Variants in C1orf87 observed in about 807,000 individuals in gnomAD.
C1orf87 encodes uncharacterized protein C1orf87.
A neutral mutation model predicts 60.5 loss-of-function variants in C1orf87; 58 were observed. The observed-to-expected ratio is 0.96, with a 90% confidence interval of 0.78 to 1.19. C1orf87 has a LOEUF of 1.19. C1orf87 is among the 50% of genes most tolerant of loss of function. The pLI is 0.00. For synonymous variants in C1orf87, 236 were observed against 227.4 expected, an observed-to-expected ratio of 1.04 and a Z score of -0.34; for missense variants, 673 against 638.6, an observed-to-expected ratio of 1.05 and a Z score of -0.58.
At chr1:60,043,571 G>A (rs1001271389) in intron 3 of C1orf87, among the ~76,000 whole-genome samples, 1 of 151,998 alleles carries the variant, frequency 6.6e-6, no homozygotes, top group Non-Finnish European at 1.5e-5. Flanking sequence ...ATTTTTAGTA[G>A]AGATGGGATT....
intron 8 of C1orf87, among the ~76,000 whole-genome samples, chr1:60,011,615 A>ATC (rs542181252): frequency 1.4e-4 from 21 of 152,250 alleles, no homozygotes; most frequent in African/African-American, 4.6e-4. Flanking sequence ...TCAACTAAGT[A>ATC]TCTTTATCTT....
chr1:60,050,864 T>G (rs1645409329), intron 3 of C1orf87, among the ~76,000 whole-genome samples: 1 of 152,120 alleles, frequency 6.6e-6, no homozygotes, highest in Admixed American at 6.6e-5. Context: ...AGGAGACAGA[T>G]AAGGAAACAG....
At chr1:60,037,896 C>A in intron 6 of C1orf87, 96 bp downstream of exon 6, 1 of 687,374 alleles carries the variant, frequency 1.5e-6, no homozygotes. Flanking sequence ...CATTTATATT[C>A]TTTATAAGCC....
At chr1:60,062,102 C>A (rs751408630) in intron 2 of C1orf87, among the ~76,000 whole-genome samples, 3 of 152,188 alleles carry the variant, frequency 2.0e-5, no homozygotes, top group Admixed American at 6.5e-5. Context: ...GCCCGAGAGG[C>A]AGAATGCTTC....
At chr1:59,997,585 C>T (rs931848218) in intron 11 of C1orf87, 24 bp downstream of exon 11, 12 of 1,610,958 alleles carry the variant, frequency 7.4e-6, no homozygotes, top group Non-Finnish European at 1.0e-5. Flanking sequence ...GAAACCTATG[C>T]CAGCTTTACA....
intron 9 of C1orf87, 112 bp downstream of exon 9, chr1:60,010,280 G>C (rs1645073850): frequency 2.1e-6 from 2 of 959,948 alleles, no homozygotes; most frequent in Admixed American, 4.3e-5. Context: ...TTACATTTCT[G>C]AGAGAAATGA....
chr1:60,005,804 C>CTT (rs36114324), intron 9 of C1orf87, among the ~76,000 whole-genome samples: 19,557 of 131,994 alleles, frequency 0.15, 1,591 homozygotes, highest in Non-Finnish European at 0.18. Context: ...TCTCAGCATT[C>CTT]TTTTTTTTTT....
chr1:59,994,361 A>G (rs1340844030), intron 11 of C1orf87, among the ~76,000 whole-genome samples: 2 of 151,716 alleles, frequency 1.3e-5, no homozygotes, highest in Non-Finnish European at 1.5e-5. Flanking sequence ...GGCTTGAATT[A>G]TGGCTCACCA....
At chr1:60,020,271 C>G (rs571543125) in intron 8 of C1orf87, among the ~76,000 whole-genome samples, 1 of 152,264 alleles carries the variant, frequency 6.6e-6, no homozygotes, top group Admixed American at 6.5e-5. Flanking sequence ...GACTCTGTGC[C>G]TGTACAGAGG....
chr1:60,055,425 T>C lies in C1orf87; in HGVS notation c.121A>G (p.Ser41Gly). ...ATTGTTTGGGTTTCTGTTTTCAAGC[T>C]GTCATTCTCCTTGCTGTGAAGAAAG... is the stretch of plus-strand genomic sequence containing the variant. Reference protein sequence around the residue: ...VEKPKIKENDSLKTETQTMHQ... With the variant: ...VEKPKIKENDGLKTETQTMHQ... The change falls in exon 3 of 12, where the codon AGC becomes GGC. Residue 41 changes from serine to glycine, a missense_variant. Physicochemically the swap from Ser to Gly is moderately conservative, Grantham distance 56 (BLOSUM62 0). Transcript: ENST00000371201. 1 of 1,614,082 alleles carries C rather than the reference T, an allele frequency of 6.2e-7. No individual in the cohort carries two copies. Among genetic ancestry groups the C allele is most frequent in the Non-Finnish European group, 8.5e-7 (1 of 1,179,942 alleles).
At chr1:60,042,875 A>C (rs1466288313) in intron 3 of C1orf87, among the ~76,000 whole-genome samples, 1 of 152,186 alleles carries the variant, frequency 6.6e-6, no homozygotes, top group African/African-American at 2.4e-5. Context: ...TAACCATGAC[A>C]ATAGAAAAGG....
At chr1:60,049,670 T>A (rs113605529) in intron 3 of C1orf87, among the ~76,000 whole-genome samples, 1,778 of 152,186 alleles carry the variant, frequency 0.012, 48 homozygotes, top group African/African-American at 0.04. Flanking sequence ...TTTCCCCTTA[T>A]CCCAGATGAT....
intron 2 of C1orf87, among the ~76,000 whole-genome samples, chr1:60,060,094 T>TTC (rs1645484953): frequency 2.0e-5 from 3 of 150,966 alleles, no homozygotes; most frequent in African/African-American, 4.8e-5. Context: ...CTTTTTCTTT[T>TTC]TTTTTTTTTA....
intron 3 of C1orf87, among the ~76,000 whole-genome samples, chr1:60,043,683 A>G (rs910958075): frequency 5.3e-5 from 8 of 152,080 alleles, no homozygotes; most frequent in Non-Finnish European, 1.2e-4. Context: ...TTCACTCTTT[A>G]AAATATTTGG....
chr1:60,021,698 A>G (rs531200486), intron 8 of C1orf87, among the ~76,000 whole-genome samples: 1 of 152,326 alleles, frequency 6.6e-6, no homozygotes, highest in Admixed American at 6.5e-5. Context: ...TCCCCATGGC[A>G]CTATCATCTA....
At chr1:60,008,200 A>G (rs543394614) in intron 9 of C1orf87, among the ~76,000 whole-genome samples, 1 of 152,150 alleles carries the variant, frequency 6.6e-6, no homozygotes, top group South Asian at 2.1e-4. Flanking sequence ...AAAATTAGTG[A>G]TGTGTTGCCT....
intron 9 of C1orf87, among the ~76,000 whole-genome samples, chr1:60,008,014 GA>G (rs1645058220): frequency 6.6e-6 from 1 of 151,800 alleles, no homozygotes; most frequent in Admixed American, 6.6e-5. Flanking sequence ...AGAATAGACA[GA>G]AAAAAATGGC....
intron 9 of C1orf87, among the ~76,000 whole-genome samples, chr1:60,004,225 C>G (rs761765220): frequency 1.3e-5 from 2 of 151,928 alleles, no homozygotes; most frequent in Non-Finnish European, 2.9e-5. Flanking sequence ...CAGCTTCAAG[C>G]TTTTGGATCT....
At chr1:60,027,862 A>AT (rs1451459375) in intron 7 of C1orf87, among the ~76,000 whole-genome samples, 1 of 152,178 alleles carries the variant, frequency 6.6e-6, no homozygotes, top group Non-Finnish European at 1.5e-5. Context: ...AGCAGCATAT[A>AT]TTTTGACATT....
Sources: allele counts gnomAD v4.1 joint callset (sites outside exome capture counted in the v4.1 genomes callset), GRCh38; gene constraint gnomAD v4.1.1; transcripts MANE v1.5; gene names NCBI Gene and HGNC (gene_info 2026-07-23, HGNC 2026-07-21).